The following GRM8 variants were observed in gnomAD, a reference collection of about 807,000 sequenced individuals.
GRM8 encodes glutamate metabotropic receptor 8.
A neutral mutation model predicts 87.2 loss-of-function variants in GRM8; 47 were observed. That is an observed-to-expected ratio of 0.54 (90% confidence interval 0.43 to 0.69). The LOEUF (loss-of-function observed/expected upper bound fraction) is 0.69, where lower values mean the gene tolerates loss of function less well. GRM8 is among the 30% of genes least tolerant of loss of function. GRM8 has a pLI of 0.00. For missense variants in GRM8, 1,019 were observed against 1,139.2 expected (o/e 0.89, Z 1.52); for synonymous variants, 396 against 404.5 (o/e 0.98, Z 0.25).
chr7:126,841,349 TA>T (rs1314986213), intron 6 of GRM8, among the ~76,000 whole-genome samples: 2 of 152,078 alleles, frequency 1.3e-5, no homozygotes, highest in Non-Finnish European at 2.9e-5. Context: ...GTCTTGGTGG[TA>T]ATGGCTAGAA....
At chr7:127,121,735 C>T (rs906301833) in intron 2 of GRM8, among the ~76,000 whole-genome samples, 1 of 152,128 alleles carries the variant, frequency 6.6e-6, no homozygotes, top group African/African-American at 2.4e-5. Context: ...AAGTGCCACA[C>T]ACTTTTAAAC....
At chr7:126,729,631 T>C (rs1486610430) in intron 7 of GRM8, among the ~76,000 whole-genome samples, 1 of 152,220 alleles carries the variant, frequency 6.6e-6, no homozygotes, top group African/African-American at 2.4e-5. Context: ...TTAGAAGTTC[T>C]GCATTTGGCA....
At chr7:127,017,695 G>T (rs573704442) in intron 3 of GRM8, among the ~76,000 whole-genome samples, 50 of 152,060 alleles carry the variant, frequency 3.3e-4, no homozygotes, top group Non-Finnish European at 5.1e-4. Context: ...TAGGCAGTCA[G>T]ATGTGTGATA....
At chr7:126,499,200 A>ATTT (rs532153147) in intron 9 of GRM8, among the ~76,000 whole-genome samples, 1 of 146,448 alleles carries the variant, frequency 6.8e-6, no homozygotes, top group African/African-American at 2.5e-5. Flanking sequence ...TGCAAACTAC[A>ATTT]TTTTTTTTTT....
chr7:127,117,275 GC>G (rs1340905706), intron 2 of GRM8, among the ~76,000 whole-genome samples: 1 of 152,024 alleles, frequency 6.6e-6, no homozygotes, highest in Non-Finnish European at 1.5e-5. Context: ...GCTTTGCTTT[GC>G]TTTGCTTTGG....
intron 2 of GRM8, among the ~76,000 whole-genome samples, chr7:127,128,888 A>G (rs886446341): frequency 2.0e-5 from 3 of 152,174 alleles, no homozygotes; most frequent in African/African-American, 7.2e-5. Flanking sequence ...CAGCTGCCAC[A>G]GCAGAAGGCC....
intron 8 of GRM8, among the ~76,000 whole-genome samples, chr7:126,594,549 A>C (rs1031416035): frequency 2.0e-5 from 3 of 152,094 alleles, no homozygotes; most frequent in African/African-American, 7.2e-5. Flanking sequence ...AGAGAGTAGA[A>C]TCATGGTTAA....
At chr7:126,738,278 T>C (rs780286140) in intron 7 of GRM8, among the ~76,000 whole-genome samples, 2 of 152,016 alleles carry the variant, frequency 1.3e-5, no homozygotes, top group Admixed American at 6.6e-5. Flanking sequence ...AGTATGATGA[T>C]AGAAGTGTTT....
At chr7:127,043,699 G>A (rs1443184737) in intron 3 of GRM8, among the ~76,000 whole-genome samples, 5 of 152,116 alleles carry the variant, frequency 3.3e-5, no homozygotes, top group Admixed American at 6.5e-5. Flanking sequence ...CACCAACATG[G>A]CACATGTATA....
chr7:126,623,653 C>A (rs925349999), intron 7 of GRM8, among the ~76,000 whole-genome samples: 2 of 152,156 alleles, frequency 1.3e-5, no homozygotes, highest in Non-Finnish European at 2.9e-5. Context: ...TGGACTGAAC[C>A]CCCCTTCAAT....
chr7:126,965,247 C>T (rs551550697), intron 3 of GRM8, among the ~76,000 whole-genome samples: 15 of 151,910 alleles, frequency 9.9e-5, no homozygotes, highest in African/African-American at 3.6e-4. Context: ...CACCATGACA[C>T]GAATATACTT....
chr7:126,595,806 C>T (rs574127124), intron 8 of GRM8, among the ~76,000 whole-genome samples: 31 of 152,166 alleles, frequency 2.0e-4, no homozygotes, highest in African/African-American at 5.5e-4. Flanking sequence ...AACAGTGCTG[C>T]AGTTAACATG....
intron 8 of GRM8, among the ~76,000 whole-genome samples, chr7:126,558,986 C>A (rs535263086): frequency 1.3e-5 from 2 of 152,006 alleles, no homozygotes; most frequent in Non-Finnish European, 1.5e-5. Context: ...AAGAGAGAGA[C>A]GGGTACTGAT....
At chr7:126,965,826 ATAAG>A (rs1225239531) in intron 3 of GRM8, among the ~76,000 whole-genome samples, 2 of 152,102 alleles carry the variant, frequency 1.3e-5, no homozygotes, top group African/African-American at 2.4e-5. Context: ...GTAATTACAC[ATAAG>A]TAAGTGTAAT....
At chr7:127,065,677 T>C (rs1296844694) in intron 3 of GRM8, among the ~76,000 whole-genome samples, 1 of 152,186 alleles carries the variant, frequency 6.6e-6, no homozygotes, top group Non-Finnish European at 1.5e-5. Flanking sequence ...TTAATTTAGA[T>C]GTGAGCAAGT....
chr7:127,220,110 C>A (rs1213293485), intron 2 of GRM8, among the ~76,000 whole-genome samples: 1 of 152,162 alleles, frequency 6.6e-6, no homozygotes, highest in Non-Finnish European at 1.5e-5. Flanking sequence ...CATCAGAAAC[C>A]CTATCCTAGA....
chr7:127,240,938 G>A (rs1291755036), intron 2 of GRM8, among the ~76,000 whole-genome samples: 2 of 152,070 alleles, frequency 1.3e-5, no homozygotes, highest in Non-Finnish European at 2.9e-5. Context: ...TCCCTTGAAG[G>A]TTTCCAGAAA....
At chr7:126,927,097 T>A (rs1224125639) in intron 3 of GRM8, among the ~76,000 whole-genome samples, 4 of 152,216 alleles carry the variant, frequency 2.6e-5, no homozygotes, top group African/African-American at 9.6e-5. Context: ...GGTAGTACCT[T>A]ATCAAACAGT....
intron 7 of GRM8, among the ~76,000 whole-genome samples, chr7:126,673,197 C>T (rs574568354): frequency 6.6e-6 from 1 of 152,182 alleles, no homozygotes; most frequent in Non-Finnish European, 1.5e-5. Flanking sequence ...TGTGAGAGTC[C>T]CTGTTTCTCC....
Sources: allele counts gnomAD v4.1 joint callset (sites outside exome capture counted in the v4.1 genomes callset), GRCh38; gene constraint gnomAD v4.1.1; transcripts MANE v1.5; gene names NCBI Gene and HGNC (gene_info 2026-07-23, HGNC 2026-07-21).